Variants in TRIM72 observed in about 807,000 individuals in gnomAD.
TRIM72 encodes tripartite motif containing 72, also known as tripartite motif-containing protein 72.
In TRIM72, 33 loss-of-function variants were observed where a neutral mutation model predicts 31.6. The observed-to-expected ratio is 1.04, with a 90% CI of 0.79 to 1.40. The LOEUF is 1.40. Ranked by LOEUF, TRIM72 falls within the 40% of genes most tolerant of loss-of-function variation. The pLI is 0.00. For missense variants in TRIM72, 666 were observed against 682.7 expected (o/e 0.98, Z 0.27); for synonymous variants, 301 against 314.4 (o/e 0.96, Z 0.45).
chr16:31,219,338 T>TG lies in TRIM72; in HGVS notation c.537dup (p.Arg180AlafsTer21). 1 of 1,614,122 alleles carries TG rather than the reference T, an allele frequency of 6.2e-7. No homozygotes were observed. The highest frequency in any genetic ancestry group is 8.5e-7 in the Non-Finnish European group (1 of 1,180,022). ...GCCGTGGGGGAGCAGCTGGGCAAGA[T>TG]GCGGGTGTTCCTGGCTGCACTGGAG... On this transcript the variant is annotated frameshift_variant, in exon 4 of 7. Coordinates refer to ENST00000322122, the MANE Select transcript of TRIM72 (RefSeq NM_001008274.4). LOFTEE classifies it high-confidence loss of function. This position sits in a 1 kb window ranked among gnomAD's most constrained non-coding sequence, Gnocchi z 4.2.
rs1216935450 is a variant in TRIM72, at chr16:31,230,719, C to T, written c.*5964C>T. ...CCAGCCTGGGTGACAGAGCGAGACT[C>T]CGCCTCAAAAAAAAAAAAAAAAAAA... On this transcript the variant is annotated 3_prime_UTR_variant, in exon 7 of 7. Coordinates refer to ENST00000322122, the MANE Select transcript of TRIM72 (RefSeq NM_001008274.4). 4.6e-5 allele frequency: 4 copies of T among 86,876 alleles called. No individual in the cohort carries two copies. The highest frequency in any genetic ancestry group is 1.1e-4 in the African/African-American group (3 of 27,800). 5.4% of individuals were successfully genotyped at this position (86,876 alleles called of 1,614,324 possible).
intron 1 of TRIM72, 72 bp downstream of exon 1, chr16:31,214,369 C>T (rs575418624): frequency 1.3e-4 from 26 of 195,862 alleles, no homozygotes; most frequent in African/African-American, 6.1e-4. Context: ...AGGGGAGTCT[C>T]GGAGTGGGGG....
Position 31,229,506 on chromosome 16 carries a change from T to A in TRIM72, c.*4751T>A, listed in dbSNP as rs1262131840. ...CATGGCTGACTGAGTGAGGTGGGCT[T>A]TGTGGGAAAAGCTGCGTAATCCAGG... On this transcript the variant is annotated 3_prime_UTR_variant, in exon 7 of 7. Coordinates refer to ENST00000322122, the MANE Select transcript of TRIM72 (RefSeq NM_001008274.4). 6.6e-6 allele frequency: 1 copy of A among 152,188 alleles called. No homozygotes were observed. Among genetic ancestry groups the A allele is most frequent in the African/African-American group, 2.4e-5 (1 of 41,432 alleles). 9.4% of individuals were successfully genotyped at this position (152,188 alleles called of 1,614,324 possible).
chr16:31,214,703 T>TC, intron 1 of TRIM72, 29 bp from the exon 2 acceptor site: 1 of 1,510,322 alleles, frequency 6.6e-7, no homozygotes, highest in Non-Finnish European at 8.8e-7. Context: ...CGCCGCGGGG[T>TC]CCCCCTAACC....
In TRIM72 at chr16:31,219,660, A is replaced by G. The variant is rs1936678473; in HGVS notation, c.717+141A>G. On this transcript the variant is annotated intron_variant, in intron 4 of 6. Transcript: ENST00000322122. This position sits in a 1 kb window ranked among gnomAD's most constrained non-coding sequence, Gnocchi z 4.2. ...GGGAGGGGCAGGCCTCAGGACTGCT[A>G]TATGGTTGTTTAGGTTGAGCACTGC... 1.3e-6 allele frequency: 1 copy of G among 747,004 alleles called. No individual in the cohort carries two copies. The highest frequency in any genetic ancestry group is 1.8e-5 in the African/African-American group (1 of 55,836). 46.3% of individuals were successfully genotyped at this position (747,004 alleles called of 1,614,324 possible).
rs2079558683 is a variant in TRIM72, at chr16:31,227,609, G to T, written c.*2854G>T. The T allele has an allele frequency of 1.3e-5, 2 of 151,452 alleles. No homozygotes were observed. The highest frequency in any genetic ancestry group is 3.9e-4 in the East Asian group (2 of 5,174). 9.4% of individuals were successfully genotyped at this position (151,452 alleles called of 1,614,324 possible). A position where few individuals can be genotyped will look rare whatever the true frequency, so the allele number is the denominator to read the frequency against. ...GCTGGGATTACAGGCTGGCCTTCCA[G>T]CTTCATCTGTTTTTAGTTAAAAAAC... is the stretch of plus-strand genomic sequence containing the variant. On this transcript the variant is annotated 3_prime_UTR_variant, in exon 7 of 7. Coordinates refer to ENST00000322122, the MANE Select transcript of TRIM72 (RefSeq NM_001008274.4).
At chr16:31,217,859 C>A (rs576374470) in intron 2 of TRIM72, among the ~76,000 whole-genome samples, 1 of 152,206 alleles carries the variant, frequency 6.6e-6, no homozygotes, top group South Asian at 2.1e-4. Flanking sequence ...GTGATCCACC[C>A]GCCCTGGCCT....
rs2079512713 is a variant in TRIM72 at position 31,216,978 on chromosome 16, C to CG, written c.390+1852dup. The CG allele has an allele frequency of 1.9e-6, 3 of 1,614,020 alleles. No individual in the cohort carries two copies. The highest frequency in any genetic ancestry group is 2.5e-6 in the Non-Finnish European group (3 of 1,180,016). On this transcript the variant is annotated intron_variant, in intron 2 of 6. Coordinates refer to ENST00000322122, the MANE Select transcript of TRIM72 (RefSeq NM_001008274.4). The surrounding 1 kb of genome is among the most constrained non-coding windows in gnomAD (Gnocchi z 6.7). ...TCATCTTGAACTTCTTGAGCTCCTCCGGTGTCAGGTTCTCCAGCACCTTCA... is the reference window on the plus strand; with the variant it reads ...TCATCTTGAACTTCTTGAGCTCCTCCGGGTGTCAGGTTCTCCAGCACCTTCA...
At position 31,214,869 on chromosome 16, in the gene TRIM72, A is replaced by G; in HGVS notation, c.131A>G (p.Glu44Gly). 1 of 1,532,326 alleles carries G rather than the reference A, an allele frequency of 6.5e-7. No homozygotes were observed. Among genetic ancestry groups the G allele is most frequent in the Non-Finnish European group, 8.7e-7 (1 of 1,147,888 alleles). 94.9% of individuals were successfully genotyped at this position (1,532,326 alleles called of 1,614,324 possible). A position where few individuals can be genotyped will look rare whatever the true frequency, so the allele number is the denominator to read the frequency against. Residue 44 changes from glutamate to glycine, a missense_variant, in exon 2 of 7, where the codon GAG becomes GGG. Transcript: ENST00000322122. Reference sequence around the variant, plus strand: ...GCCTGCCTAGGCCGCGTGGCCGGGGAGCCGGCGGCGGATGGCACCGTTCTC... The same window carrying G: ...GCCTGCCTAGGCCGCGTGGCCGGGGGGCCGGCGGCGGATGGCACCGTTCTC... ...CRACLGRVAGEPAADGTVLCP... is the reference protein window; with the variant it reads ...CRACLGRVAGGPAADGTVLCP...
chr16:31,215,569 G>C lies in TRIM72; in HGVS notation c.390+441G>C, dbSNP rs1388500433. ...ACTTTGGACTGGAGGCGCGGCGTTC[G>C]GGACCGAGCCAGGCGGCCGGGGCAG... On this transcript the variant is annotated intron_variant, in intron 2 of 6. Transcript: ENST00000322122. The surrounding 1 kb of genome is among the most constrained non-coding windows in gnomAD (Gnocchi z 6.3). Among the ~76,000 whole-genome samples, 2 of 151,980 alleles carry C rather than the reference G, an allele frequency of 1.3e-5. No individual in the cohort carries two copies. The highest frequency in any genetic ancestry group is 6.5e-5 in the Admixed American group (1 of 15,268).
Position 31,228,902 on chromosome 16 carries a change from G to A in TRIM72, c.*4147G>A, listed in dbSNP as rs1567497571. On this transcript the variant is annotated 3_prime_UTR_variant, in exon 7 of 7. Coordinates refer to ENST00000322122, the MANE Select transcript of TRIM72 (RefSeq NM_001008274.4). ...CCTGGCCCCTGCACTTCTTTTTTAG[G>A]AATGTCAGTTCCCTCCCACTTATCC... is the stretch of plus-strand genomic sequence containing the variant. 6.6e-6 allele frequency: 1 copy of A among 152,216 alleles called. No homozygotes were observed. The highest frequency in any genetic ancestry group is 1.9e-4 in the East Asian group (1 of 5,178). The allele number at this position is 152,216 out of a possible 1,614,324, so 9.4% of individuals were successfully genotyped here.
In TRIM72 at chr16:31,214,307, G is replaced by C. The variant is rs1223595036; in HGVS notation, c.-8+10G>C. ...ATCTCCAACCAGACCTGTGAGTCCC[G>C]TGGGCTGGAGAGAGGGGGAGGGGAG... is the stretch of plus-strand genomic sequence containing the variant. On this transcript the variant is annotated intron_variant, in intron 1 of 6. Coordinates refer to ENST00000322122, the MANE Select transcript of TRIM72 (RefSeq NM_001008274.4). 6.1e-6 allele frequency: 1 copy of C among 163,174 alleles called. No individual in the cohort carries two copies. The highest frequency in any genetic ancestry group is 6.5e-5 in the Admixed American group (1 of 15,466). 10.1% of individuals were successfully genotyped at this position (163,174 alleles called of 1,614,324 possible). A position where few individuals can be genotyped will look rare whatever the true frequency, so the allele number is the denominator to read the frequency against.
In TRIM72 at chr16:31,227,022, G is replaced by T. The variant is rs1307236619; in HGVS notation, c.*2267G>T. On this transcript the variant is annotated 3_prime_UTR_variant, in exon 7 of 7. Coordinates refer to ENST00000322122, the MANE Select transcript of TRIM72 (RefSeq NM_001008274.4). ...ACCTGGGTGTGTCTCCCAGAGGAAGGCCTGTGGAGCCCTGGCTTCAGGAGA... is the reference window on the plus strand; with the variant it reads ...ACCTGGGTGTGTCTCCCAGAGGAAGTCCTGTGGAGCCCTGGCTTCAGGAGA... The T allele has an allele frequency of 6.6e-6, 1 of 152,268 alleles. No individual in the cohort carries two copies. The highest frequency in any genetic ancestry group is 1.5e-5 in the Non-Finnish European group (1 of 68,060). 9.4% of individuals were successfully genotyped at this position (152,268 alleles called of 1,614,324 possible). A position where few individuals can be genotyped will look rare whatever the true frequency, so the allele number is the denominator to read the frequency against.
chr16:31,217,175 G>T, intron 2 of TRIM72: 1 of 859,598 alleles, frequency 1.2e-6, no homozygotes, highest in Non-Finnish European at 1.7e-6. Context: ...CTCCTGCTGG[G>T]AGGGGACTCT....
chr16:31,219,073 T>C lies in TRIM72; in HGVS notation c.391-22T>C. 6.4e-7 allele frequency: 1 copy of C among 1,552,878 alleles called. No individual in the cohort carries two copies. The highest frequency in any genetic ancestry group is 2.4e-5 in the East Asian group (1 of 41,212). Reference sequence around the variant, plus strand: ...TTTGGGTGGGTGGCATCCCCATCACTTCTCCATGCCTCGACCCCCAGACAC... The same window carrying C: ...TTTGGGTGGGTGGCATCCCCATCACCTCTCCATGCCTCGACCCCCAGACAC... On this transcript the variant is annotated intron_variant, in intron 2 of 6. Transcript: ENST00000322122. This position sits in a 1 kb window ranked among gnomAD's most constrained non-coding sequence, Gnocchi z 4.2.
At chr16:31,220,992 C>T in intron 5 of TRIM72, 74 bp downstream of exon 5, 1 of 1,585,506 alleles carries the variant, frequency 6.3e-7, no homozygotes, top group Non-Finnish European at 8.7e-7. Flanking sequence ...GCTCACTCTC[C>T]ACTCACTATT....
At position 31,227,310 on chromosome 16, in the gene TRIM72, C is replaced by T. The variant is rs1268873347; in HGVS notation, c.*2555C>T. The T allele has an allele frequency of 6.6e-6, 1 of 152,212 alleles. No homozygotes were observed. The highest frequency in any genetic ancestry group is 2.4e-5 in the African/African-American group (1 of 41,448). 9.4% of individuals were successfully genotyped at this position (152,212 alleles called of 1,614,324 possible). On this transcript the variant is annotated 3_prime_UTR_variant, in exon 7 of 7. Coordinates refer to ENST00000322122, the MANE Select transcript of TRIM72 (RefSeq NM_001008274.4). ...GTTGCTCAAAACTTTCAACAACTCC[C>T]TCTTGCCTACAGGATAAAGCCCCCA... is the stretch of plus-strand genomic sequence containing the variant.
chr16:31,224,913 T>C lies in TRIM72; in HGVS notation c.*158T>C. 1.4e-6 allele frequency: 1 copy of C among 706,780 alleles called. No individual in the cohort carries two copies. The highest frequency in any genetic ancestry group is 2.1e-6 in the Non-Finnish European group (1 of 474,294). The allele number at this position is 706,780 out of a possible 1,614,324, so 43.8% of individuals were successfully genotyped here. On this transcript the variant is annotated 3_prime_UTR_variant, in exon 7 of 7. Transcript: ENST00000322122. Reference sequence around the variant, plus strand: ...AATACTGACAAGCGTGGGGTAGGACTGGCTTGGTGGCTCATGCCTGTAATC... The same window carrying C: ...AATACTGACAAGCGTGGGGTAGGACCGGCTTGGTGGCTCATGCCTGTAATC...
chr16:31,216,733 G>A lies in TRIM72; in HGVS notation c.390+1605G>A. 6.3e-7 allele frequency: 1 copy of A among 1,579,372 alleles called. No homozygotes were observed. The highest frequency in any genetic ancestry group is 1.7e-5 in the Admixed American group (1 of 58,496). On this transcript the variant is annotated intron_variant, in intron 2 of 6. Transcript: ENST00000322122. This position sits in a 1 kb window ranked among gnomAD's most constrained non-coding sequence, Gnocchi z 6.7. ...GCGAGGAAGCGGGGTTGGGTCCCGA[G>A]ATCACGTACCAGCTCAGAGTGGCCC...
Sources: gnomAD v4.1 joint callset for allele counts (sites outside exome capture counted in the v4.1 genomes callset) on GRCh38, gnomAD v4.1.1 for gene constraint, Gnocchi (gnomAD v3.1) non-coding constraint, MANE v1.5 for transcripts, NCBI Gene and HGNC (gene_info 2026-07-23, HGNC 2026-07-21) for gene names.